The following PRP4K variants were observed in gnomAD, a reference collection of about 807,000 sequenced individuals.
PRP4K encodes the protein pre-mRNA processing factor kinase PRP4K, also known as serine/threonine-protein kinase PRP4 homolog.
chr6:4,038,919 C>CTTTTTTTTTTTTTTTTTTTTTTTT, the PRP4K span, among the ~76,000 whole-genome samples: 2 of 144,282 alleles, frequency 1.4e-5, no homozygotes, highest in Admixed American at 7.0e-5. Context: ...AATTTTTGTG[C>CTTTTTTTTTTTTTTTTTTTTTTTT]TTTTTTTTTT....
At chr6:4,045,139 G>A in the PRP4K span, among the ~76,000 whole-genome samples, 1 of 152,148 alleles carries the variant, frequency 6.6e-6, no homozygotes, top group Admixed American at 6.5e-5. Context: ...GATTACAGGC[G>A]TGAGCCACCA....
the PRP4K span, among the ~76,000 whole-genome samples, chr6:4,027,079 G>A: frequency 6.6e-6 from 1 of 152,146 alleles, no homozygotes; most frequent in Non-Finnish European, 1.5e-5. Context: ...GTAAGTATAG[G>A]ACCTTTTGCT....
the PRP4K span, chr6:4,056,374 T>A: frequency 6.2e-7 from 1 of 1,614,184 alleles, no homozygotes; most frequent in Non-Finnish European, 8.5e-7. Context: ...CGGCTTCACA[T>A]GTTGCGGATA....
the PRP4K span, chr6:4,041,034 T>C: frequency 8.7e-5 from 102 of 1,178,886 alleles, no homozygotes; most frequent in Non-Finnish European, 1.2e-4. Context: ...GTGGCTCCAT[T>C]AATTTGGCTC....
the PRP4K span, chr6:4,049,212 A>G: frequency 1.8e-5 from 19 of 1,035,916 alleles, no homozygotes; most frequent in African/African-American, 2.3e-4. Context: ...AAATCACATC[A>G]CAGTGCCATC....
the PRP4K span, chr6:4,042,714 C>T: frequency 8.5e-6 from 5 of 588,144 alleles, no homozygotes; most frequent in South Asian, 3.2e-5. Context: ...AAAAAATGAT[C>T]TTTTTTTAGT....
chr6:4,024,171 A>G, the PRP4K span, among the ~76,000 whole-genome samples: 1 of 152,022 alleles, frequency 6.6e-6, no homozygotes, highest in Non-Finnish European at 1.5e-5. Context: ...AGCCATGCCT[A>G]GCTAATTTTT....
the PRP4K span, chr6:4,056,778 A>T: frequency 7.2e-7 from 1 of 1,379,986 alleles, no homozygotes; most frequent in African/African-American, 1.4e-5. Context: ...CCAAAGGCGA[A>T]ATGAGAAAAG....
chr6:4,038,009 G>T, the PRP4K span, among the ~76,000 whole-genome samples: 2 of 151,920 alleles, frequency 1.3e-5, no homozygotes, highest in Admixed American at 1.3e-4. Flanking sequence ...TTTATCTGAA[G>T]CATATGTAGT....
chr6:4,054,231 C>T, the PRP4K span, among the ~76,000 whole-genome samples: 1 of 152,036 alleles, frequency 6.6e-6, no homozygotes, highest in African/African-American at 2.4e-5. Flanking sequence ...ATGGTGATCT[C>T]ATTAAAGTTT....
chr6:4,043,668 T>G, the PRP4K span: 2 of 801,556 alleles, frequency 2.5e-6, no homozygotes, highest in Non-Finnish European at 3.9e-6. Context: ...GGATTGCAGA[T>G]TTGATTGAAC....
At chr6:4,057,163 T>G in the PRP4K span, 2 of 1,612,254 alleles carry the variant, frequency 1.2e-6, no homozygotes, top group Non-Finnish European at 1.7e-6. Context: ...TTGCAATGGA[T>G]CTCAAAGGAA....
At chr6:4,051,398 C>CGGGAA in the PRP4K span, among the ~76,000 whole-genome samples, 3 of 151,922 alleles carry the variant, frequency 2.0e-5, no homozygotes, top group African/African-American at 7.3e-5. Context: ...AACTGCAAAC[C>CGGGAA]CTCCGTCTCC....
the PRP4K span, chr6:4,060,711 C>T: frequency 2.6e-6 from 3 of 1,155,042 alleles, no homozygotes; most frequent in Non-Finnish European, 3.6e-6. The surrounding 1 kb of genome is among the most constrained non-coding windows in gnomAD (Gnocchi z 4.7). Context: ...AAATATTTCT[C>T]CAGCAAATTT....
At chr6:4,044,091 C>A in the PRP4K span, 1 of 1,463,842 alleles carries the variant, frequency 6.8e-7, no homozygotes, top group Non-Finnish European at 9.5e-7. Context: ...TAATAAGAGA[C>A]GTTATTTGGG....
At chr6:4,063,164 A>AT in the PRP4K span, 102 of 151,990 alleles carry the variant, frequency 6.7e-4, 1 homozygote, top group Admixed American at 2.4e-3. Context: ...TCCTTCATTT[A>AT]TTTTTTGTCT....
chr6:4,062,744 ACT>A, the PRP4K span: 1 of 152,610 alleles, frequency 6.6e-6, no homozygotes, highest in African/African-American at 2.4e-5. This position sits in a 1 kb window ranked among gnomAD's most constrained non-coding sequence, Gnocchi z 4.2. Context: ...GTTTAGACTT[ACT>A]AAAATAAATA....
chr6:4,035,038 T>G, the PRP4K span, among the ~76,000 whole-genome samples: 1 of 152,012 alleles, frequency 6.6e-6, no homozygotes, highest in African/African-American at 2.4e-5. Flanking sequence ...AACACTCTGT[T>G]CTTTTTATAC....
chr6:4,040,576 T>C, the PRP4K span, among the ~76,000 whole-genome samples: 1 of 152,252 alleles, frequency 6.6e-6, no homozygotes, highest in Non-Finnish European at 1.5e-5. Context: ...TCTCAGTCTT[T>C]CTGATGTTCT....
Sources: gnomAD v4.1 joint callset for allele counts (sites outside exome capture counted in the v4.1 genomes callset) on GRCh38, gnomAD v4.1.1 for gene constraint, Gnocchi (gnomAD v3.1) non-coding constraint, MANE v1.5 for transcripts, NCBI Gene and HGNC (gene_info 2026-07-23, HGNC 2026-07-21) for gene names.